ADGRA2: variants seen among roughly 807,000 people sequenced by gnomAD.
ADGRA2 encodes G-protein coupled receptor 124.
A neutral mutation model predicts 98.7 loss-of-function variants in ADGRA2; 61 were observed. The observed-to-expected ratio is 0.62, with a 90% CI of 0.50 to 0.76. The LOEUF is 0.76. ADGRA2 is among the 30% of genes least tolerant of loss of function. The probability of loss-of-function intolerance (pLI) is 0.00; values close to 1 mark genes in which losing one functional copy is unlikely to be tolerated. For missense variants in ADGRA2, 1,712 were observed against 1,860.0 expected, an observed-to-expected ratio of 0.92 and a Z score of 1.46; for synonymous variants, 858 against 831.5, an observed-to-expected ratio of 1.03 and a Z score of -0.55.
intron 1 of ADGRA2, among the ~76,000 whole-genome samples, chr8:37,800,098 GATCTGTCTCCTCCCC>G (rs1804457329): frequency 6.6e-6 from 1 of 152,178 alleles, no homozygotes; most frequent in African/African-American, 2.4e-5. Context: ...GAAAGGGGAT[GATCTGTCTCCTCCCC>G]ATCAGGAAGG....
chr8:37,840,805 C>A lies in ADGRA2; in HGVS notation c.2703C>A (p.Ile901=). The A allele has an allele frequency of 6.2e-7, 1 of 1,610,492 alleles. No individual in the cohort carries two copies. Among genetic ancestry groups the A allele is most frequent in the Non-Finnish European group, 8.5e-7 (1 of 1,177,230 alleles). Residue 901 remains isoleucine, a synonymous_variant, in exon 18 of 19, where the codon ATC becomes ATA. Coordinates refer to ENST00000412232, the MANE Select transcript of ADGRA2 (RefSeq NM_032777.10). The part of the protein sequence containing the change: ...AGGIPLIICG[I]TAAVNIHNYR... ...GGATTCCACTCATTATCTGTGGCAT[C>A]ACAGCTGCAGTCAACATCCACAACT...
rs1008120505 is a variant in ADGRA2 at position 37,801,760 on chromosome 8, A to G, written c.266+4226A>G. Among the ~76,000 whole-genome samples, 2 of 152,324 alleles carry G rather than the reference A, an allele frequency of 1.3e-5. 1 individual carries two copies. Among genetic ancestry groups the G allele is most frequent in the African/African-American group, 4.8e-5 (2 of 41,578 alleles). ...AGAAGGGTGCCTTGCTGACAGTCAC[A>G]CAGTCGGCTGGGGCTGGCGCCGGGA... On this transcript the variant is annotated intron_variant, in intron 1 of 18. Coordinates refer to ENST00000412232, the MANE Select transcript of ADGRA2 (RefSeq NM_032777.10).
At chr8:37,832,967 T>G (rs1403603467) in intron 8 of ADGRA2, 43 bp from the exon 9 acceptor site, 14 of 1,497,912 alleles carry the variant, frequency 9.3e-6, no homozygotes, top group Non-Finnish European at 1.3e-5. Flanking sequence ...GCTGTTGTTC[T>G]GAGAAGCCCG....
At chr8:37,840,385 G>GTCTTT (rs1563354358) in intron 17 of ADGRA2, 119 bp downstream of exon 17, 12 of 1,105,160 alleles carry the variant, frequency 1.1e-5, no homozygotes, top group Non-Finnish European at 1.5e-5. Flanking sequence ...CTCCAAAGAC[G>GTCTTT]GGGGAGGCTA....
Position 37,833,960 on chromosome 8 carries a change from C to A in ADGRA2, c.1447-7C>A, listed in dbSNP as rs1174833071. The A allele has an allele frequency of 6.8e-6, 11 of 1,610,592 alleles. No homozygotes were observed. Among genetic ancestry groups the A allele is most frequent in the Admixed American group, 1.7e-5 (1 of 59,944 alleles). On this transcript the variant is annotated splice_polypyrimidine_tract_variant and splice_region_variant and intron_variant, in intron 10 of 18. Coordinates refer to ENST00000412232, the MANE Select transcript of ADGRA2 (RefSeq NM_032777.10). ...CCCTGCCCTCAGCAACTTCCCTGTC[C>A]CCCCAGCTGGTAGAGGTGATGGTGG...
At chr8:37,838,250 ATTT>A (rs11335728) in intron 14 of ADGRA2, among the ~76,000 whole-genome samples, 25 of 129,702 alleles carry the variant, frequency 1.9e-4, no homozygotes, top group Admixed American at 1.6e-4. Flanking sequence ...CTGAGACCAG[ATTT>A]TTTTTTTTTT....
chr8:37,842,451 G>A lies in ADGRA2; in HGVS notation c.*96G>A. On this transcript the variant is annotated 3_prime_UTR_variant, in exon 19 of 19. Transcript: ENST00000412232. ...GTGTCTCCGTAGTCAGCAGGTTGGA[G>A]GCAGAGGAGCCGATGGCTGGAGGAA... 1 of 1,377,132 alleles carries A rather than the reference G, an allele frequency of 7.3e-7. No individual in the cohort carries two copies. Among genetic ancestry groups the A allele is most frequent in the Admixed American group, 3.8e-5 (1 of 26,534 alleles). The allele number at this position is 1,377,132 out of a possible 1,614,324, so 85.3% of individuals were successfully genotyped here.
At chr8:37,828,392 C>CT (rs1241611928) in intron 2 of ADGRA2, among the ~76,000 whole-genome samples, 1 of 151,608 alleles carries the variant, frequency 6.6e-6, no homozygotes, top group African/African-American at 2.4e-5. Context: ...GATCCCATCT[C>CT]TTGGCTTCTT....
chr8:37,806,718 C>T (rs572157103), intron 1 of ADGRA2, among the ~76,000 whole-genome samples: 16 of 151,658 alleles, frequency 1.1e-4, no homozygotes, highest in Admixed American at 2.0e-4. Flanking sequence ...TTAATAGAGA[C>T]GGGGTTTCAC....
Position 37,839,009 on chromosome 8 carries a change from C to A in ADGRA2, c.2313C>A (p.Pro771=), listed in dbSNP as rs764095085. ...GGGGCGCCGGGGCAGGGCTGCACCC[C>A]GTGGTATACCCCTGCACGGCCTTGC... ...EVGGAGAGLH[P]VVYPCTALLL... is the part of the protein sequence containing the mutation. Residue 771 remains proline, a synonymous_variant, in exon 15 of 19, where the codon CCC becomes CCA. Coordinates refer to ENST00000412232, the MANE Select transcript of ADGRA2 (RefSeq NM_032777.10). 7 of 1,598,638 alleles carry A rather than the reference C, an allele frequency of 4.4e-6. No individual in the cohort carries two copies. In the South Asian group the frequency reaches 7.9e-5, roughly 18 times the overall value.
intron 2 of ADGRA2, among the ~76,000 whole-genome samples, chr8:37,826,508 G>T (rs2129991542): frequency 6.6e-6 from 1 of 152,300 alleles, no homozygotes; most frequent in South Asian, 2.1e-4. Context: ...TAGGGAACTG[G>T]CCCCTTCTGG....
intron 2 of ADGRA2, 21 bp from the exon 3 acceptor site, chr8:37,828,867 C>A: frequency 6.3e-7 from 1 of 1,589,790 alleles, no homozygotes; most frequent in South Asian, 1.1e-5. Context: ...GGTGTGAGGG[C>A]CTCTGCACTT....
At position 37,814,197 on chromosome 8, in the gene ADGRA2, A is replaced by T. The variant is rs1804917614; in HGVS notation, c.267-699A>T. On this transcript the variant is annotated intron_variant, in intron 1 of 18. Coordinates refer to ENST00000412232, the MANE Select transcript of ADGRA2 (RefSeq NM_032777.10). This position sits in a 1 kb window ranked among gnomAD's most constrained non-coding sequence, Gnocchi z 4.3. ...ATGAGACACTCGGTCTCTCTCAGTC[A>T]CTTGGGGCCCCTTTCCTCCTCCCCT... Among the ~76,000 whole-genome samples the T allele has an allele frequency of 6.6e-6, 1 of 152,216 alleles. No individual in the cohort carries two copies. Among genetic ancestry groups the T allele is most frequent in the Non-Finnish European group, 1.5e-5 (1 of 68,036 alleles).
chr8:37,816,593 AACACACAC>A (rs545433349), intron 2 of ADGRA2, among the ~76,000 whole-genome samples: 241 of 131,378 alleles, frequency 1.8e-3, no homozygotes, highest in Non-Finnish European at 2.9e-3. Context: ...CTCCGTCTCA[AACACACAC>A]ACACACACAC....
intron 1 of ADGRA2, among the ~76,000 whole-genome samples, chr8:37,804,858 T>C (rs371611808): frequency 8.5e-5 from 13 of 152,334 alleles, no homozygotes; most frequent in African/African-American, 2.9e-4. Context: ...GCCTAACAAG[T>C]ACAAGCGTAC....
Position 37,842,556 on chromosome 8 carries a change from T to C in ADGRA2, c.*201T>C. 5 of 883,190 alleles carry C rather than the reference T, an allele frequency of 5.7e-6. No individual in the cohort carries two copies. The South Asian group carries it at 9.2e-5, about 16-fold the overall frequency. The allele number at this position is 883,190 out of a possible 1,614,324, so 54.7% of individuals were successfully genotyped here. ...CAGACAATCCCAGAAACACGCATAA[T>C]ACATTTCCGTCCAGCCCGGGGCAGT... On this transcript the variant is annotated 3_prime_UTR_variant, in exon 19 of 19. Coordinates refer to ENST00000412232, the MANE Select transcript of ADGRA2 (RefSeq NM_032777.10).
intron 15 of ADGRA2, 34 bp downstream of exon 15, chr8:37,839,117 G>A: frequency 6.2e-7 from 1 of 1,607,224 alleles, no homozygotes; most frequent in Non-Finnish European, 8.5e-7. Flanking sequence ...GGCGTGGTGG[G>A]CAGGCATGGA....
Position 37,814,664 on chromosome 8 carries a change from G to A in ADGRA2, c.267-232G>A, listed in dbSNP as rs966746064. ...CTCCCACCTGCACACAGAGCCCCAC[G>A]TCAGAGCCAGGCTTGGAGGAGACTC... On this transcript the variant is annotated intron_variant, in intron 1 of 18. Coordinates refer to ENST00000412232, the MANE Select transcript of ADGRA2 (RefSeq NM_032777.10). The surrounding 1 kb of genome is among the most constrained non-coding windows in gnomAD (Gnocchi z 4.3). Among the ~76,000 whole-genome samples, 5 of 152,186 alleles carry A rather than the reference G, an allele frequency of 3.3e-5. No individual in the cohort carries two copies. The highest frequency in any genetic ancestry group is 7.2e-5 in the African/African-American group (3 of 41,442).
intron 2 of ADGRA2, among the ~76,000 whole-genome samples, chr8:37,827,163 G>A (rs1052474883): frequency 2.0e-5 from 3 of 152,228 alleles, no homozygotes; most frequent in Non-Finnish European, 4.4e-5. Flanking sequence ...TATGGAGCCT[G>A]AAGCCTGTCC....
Sources: allele counts gnomAD v4.1 joint callset (sites outside exome capture counted in the v4.1 genomes callset), GRCh38; gene constraint gnomAD v4.1.1; non-coding constraint Gnocchi (gnomAD v3.1); transcripts MANE v1.5; gene names NCBI Gene and HGNC (gene_info 2026-07-23, HGNC 2026-07-21).